Variants in CPEB3 observed in about 807,000 individuals in gnomAD.
The protein encoded by CPEB3 is cytoplasmic polyadenylation element binding protein 3.
Under a neutral mutation model 67.2 loss-of-function variants are expected in CPEB3, and 20 were observed. The ratio of observed to expected loss-of-function variants is 0.30; its 90% CI spans 0.21 to 0.43. The LOEUF is 0.43. Ranked by LOEUF, CPEB3 falls within the 20% of genes least tolerant of loss-of-function variation. The pLI, the probability that CPEB3 is intolerant of heterozygous loss-of-function variation, is 1.00. For synonymous variants in CPEB3, 376 were observed against 393.1 expected, an observed-to-expected ratio of 0.96 and a Z score of 0.51; for missense variants, 746 against 968.6, an observed-to-expected ratio of 0.77 and a Z score of 3.05.
At chr10:92,262,128 C>T (rs746815186) in intron 1 of CPEB3, among the ~76,000 whole-genome samples, 3 of 152,058 alleles carry the variant, frequency 2.0e-5, no homozygotes, top group Non-Finnish European at 4.4e-5. Context: ...CACCAAATGT[C>T]CTAAGAGAGA....
intron 5 of CPEB3, among the ~76,000 whole-genome samples, chr10:92,144,001 TCAGA>T (rs1238447375): frequency 6.6e-6 from 1 of 152,316 alleles, no homozygotes; most frequent in East Asian, 1.9e-4. Context: ...TGTTAGAATA[TCAGA>T]CAGTATTTTT....
chr10:92,108,344 G>T (rs1844569335), intron 7 of CPEB3, among the ~76,000 whole-genome samples: 1 of 152,190 alleles, frequency 6.6e-6, no homozygotes, highest in Non-Finnish European at 1.5e-5. Flanking sequence ...TACTTCCAAA[G>T]GTTCAACACA....
At chr10:92,053,690 C>G (rs1052485336) in intron 9 of CPEB3, among the ~76,000 whole-genome samples, 1 of 152,240 alleles carries the variant, frequency 6.6e-6, no homozygotes, top group South Asian at 2.1e-4. Context: ...TACAGGCACC[C>G]GCCACCACGC....
In CPEB3 at chr10:92,240,165, G is replaced by T; in HGVS notation, c.186C>A (p.Pro62=). 6.5e-7 allele frequency: 1 copy of T among 1,547,362 alleles called. No individual in the cohort carries two copies. Among genetic ancestry groups the T allele is most frequent in the Non-Finnish European group, 8.7e-7 (1 of 1,144,808 alleles). The stretch of plus-strand genomic sequence containing the variant: ...TCTTGTCCGGGCCGTTGGGGGCCGG[G>T]GGGGCAGCGGCTGGGCTGAGGGCCG... ...AVPALSPAAA[P]PAPNGPDKMQ... The change falls in exon 2 of 10, where the codon CCC becomes CCA. Residue 62 remains proline, a synonymous_variant. Coordinates refer to ENST00000265997, the MANE Select transcript of CPEB3 (RefSeq NM_014912.5).
intron 7 of CPEB3, among the ~76,000 whole-genome samples, chr10:92,095,398 T>A (rs998343918): frequency 6.6e-6 from 1 of 152,022 alleles, no homozygotes; most frequent in Non-Finnish European, 1.5e-5. Context: ...ACACACTCTA[T>A]ATACTAAGCA....
At chr10:92,156,087 T>C (rs1415539659) in intron 4 of CPEB3, among the ~76,000 whole-genome samples, 1 of 152,014 alleles carries the variant, frequency 6.6e-6, no homozygotes, top group Non-Finnish European at 1.5e-5. Context: ...ACAACTATCC[T>C]CAAAGAACTT....
chr10:92,266,009 C>T (rs772651541), intron 1 of CPEB3, among the ~76,000 whole-genome samples: 7 of 151,810 alleles, frequency 4.6e-5, no homozygotes, highest in Non-Finnish European at 1.0e-4. Flanking sequence ...GGACTGTTAG[C>T]TTTACAAGAA....
At chr10:92,288,454 CA>C (rs367876455) in intron 1 of CPEB3, among the ~76,000 whole-genome samples, 39,805 of 112,742 alleles carry the variant, frequency 0.35, 5,150 homozygotes, top group East Asian at 0.44. Flanking sequence ...GACTCTGTCT[CA>C]AAAAAAAAAA....
At chr10:92,122,274 G>T (rs1416655536) in intron 6 of CPEB3, among the ~76,000 whole-genome samples, 1 of 152,204 alleles carries the variant, frequency 6.6e-6, no homozygotes, top group African/African-American at 2.4e-5. Context: ...AGAGAGTAAA[G>T]GCATTCCAAG....
chr10:92,114,207 C>T (rs1844890809), intron 6 of CPEB3, among the ~76,000 whole-genome samples: 1 of 152,214 alleles, frequency 6.6e-6, no homozygotes, highest in Admixed American at 6.5e-5. Flanking sequence ...CCCAAAATCA[C>T]TCTTGAAAAC....
chr10:92,289,622 GT>G (rs1033743919), intron 1 of CPEB3, among the ~76,000 whole-genome samples: 26 of 148,730 alleles, frequency 1.7e-4, no homozygotes, highest in African/African-American at 6.5e-4. Context: ...ACTCACATCT[GT>G]AATCCCAACA....
intron 1 of CPEB3, among the ~76,000 whole-genome samples, chr10:92,273,734 G>T (rs1429413314): frequency 1.3e-5 from 2 of 152,178 alleles, no homozygotes; most frequent in African/African-American, 4.8e-5. Context: ...AGCAGAGGGT[G>T]AGGGTAAGGA....
intron 4 of CPEB3, among the ~76,000 whole-genome samples, chr10:92,153,284 C>T (rs1441158254): frequency 6.6e-6 from 1 of 152,092 alleles, no homozygotes; most frequent in Non-Finnish European, 1.5e-5. Context: ...ACTCAGCACA[C>T]GAGTTTGTTT....
chr10:92,057,180 C>T (rs1396288519), intron 9 of CPEB3, among the ~76,000 whole-genome samples: 1 of 152,162 alleles, frequency 6.6e-6, no homozygotes, highest in Non-Finnish European at 1.5e-5. Flanking sequence ...AACTCTAGGA[C>T]TTGACTCTTG....
intron 6 of CPEB3, chr10:92,138,418 A>T (rs2133790226): frequency 6.1e-6 from 1 of 163,830 alleles, no homozygotes; most frequent in East Asian, 1.6e-4. Context: ...ATTCTTGGGA[A>T]ACTGAGGAGC....
intron 2 of CPEB3, among the ~76,000 whole-genome samples, chr10:92,202,851 A>AT (rs1305431565): frequency 2.0e-4 from 31 of 152,138 alleles, no homozygotes; most frequent in African/African-American, 4.8e-4. Flanking sequence ...GCTACATTGT[A>AT]TATTTTAAGA....
At chr10:92,059,325 C>CAAAAAAAAAAAAAAAAAAAAAAAAAAAAA (rs61034093) in intron 9 of CPEB3, among the ~76,000 whole-genome samples, 11 of 101,216 alleles carry the variant, frequency 1.1e-4, no homozygotes, top group South Asian at 3.6e-4. Context: ...GAAACTCTGT[C>CAAAAAAAAAAAAAAAAAAAAAAAAAAAAA]AAAAAAAAAA....
intron 1 of CPEB3, among the ~76,000 whole-genome samples, chr10:92,268,143 T>C (rs1653113779): frequency 6.6e-6 from 1 of 152,184 alleles, no homozygotes; most frequent in Admixed American, 6.6e-5. Context: ...GTTTGATGGA[T>C]AGAAAAATCT....
chr10:92,180,110 G>T (rs1848397565), intron 4 of CPEB3, among the ~76,000 whole-genome samples: 2 of 152,022 alleles, frequency 1.3e-5, no homozygotes. Context: ...TTCTGCAAAG[G>T]TATCTGATCC....
Sources: allele counts gnomAD v4.1 joint callset (sites outside exome capture counted in the v4.1 genomes callset), GRCh38; gene constraint gnomAD v4.1.1; transcripts MANE v1.5; gene names NCBI Gene and HGNC (gene_info 2026-07-23, HGNC 2026-07-21).